Variants in STT3B observed in about 807,000 individuals in gnomAD.
STT3B encodes the protein STT3 oligosaccharyltransferase complex catalytic subunit B, also known as dolichyl-diphosphooligosaccharide--protein glycosyltransferase subunit STT3B.
In STT3B, 29 loss-of-function variants were observed where a neutral mutation model predicts 96.8. The observed-to-expected ratio is 0.30, with a 90% CI of 0.22 to 0.41. The LOEUF (loss-of-function observed/expected upper bound fraction) is 0.41. STT3B is among the 10% of genes least tolerant of loss of function. The pLI, the probability that STT3B is intolerant of heterozygous loss-of-function variation, is 1.00. For missense variants in STT3B, 640 were observed against 1,022.3 expected (o/e 0.63, Z 5.10); for synonymous variants, 367 against 360.0 (o/e 1.02, Z -0.22).
Position 31,633,066 on chromosome 3 carries a change from A to C in STT3B, c.2319A>C (p.Lys773Asn). 6.2e-7 allele frequency: 1 copy of C among 1,614,160 alleles called. No homozygotes were observed. The highest frequency in any genetic ancestry group is 2.2e-5 in the East Asian group (1 of 44,876). ...EHWLVRIYKV[K>N]APDNRETLDH... ...GGCTTGTTAGGATATATAAAGTAAA[A>C]GCACCTGATAACAGGGAGACATTAG... Residue 773 changes from lysine to asparagine, a missense_variant, in exon 15 of 16, where the codon AAA becomes AAC. This residue lies in a region of STT3B where 51 missense variants were observed against 64.2 expected (regional missense o/e 0.79). Coordinates refer to ENST00000295770, the MANE Select transcript of STT3B (RefSeq NM_178862.3).
At chr3:31,559,190 T>C (rs1166696089) in intron 1 of STT3B, among the ~76,000 whole-genome samples, 1 of 124,544 alleles carries the variant, frequency 8.0e-6, no homozygotes, top group Non-Finnish European at 1.8e-5. Context: ...TGTGTGTGTG[T>C]TGTCTCTTTC....
intron 1 of STT3B, among the ~76,000 whole-genome samples, chr3:31,556,291 T>G (rs1265434116): frequency 6.6e-6 from 1 of 152,178 alleles, no homozygotes; most frequent in Non-Finnish European, 1.5e-5. Context: ...CTTCCTTTAT[T>G]CATTTGTCTG....
intron 3 of STT3B, among the ~76,000 whole-genome samples, chr3:31,590,476 T>A (rs1698641840): frequency 6.6e-6 from 1 of 152,054 alleles, no homozygotes; most frequent in Admixed American, 6.6e-5. Context: ...TGTTTTAATA[T>A]GTGGTGTTTT....
rs114404644 is a variant in STT3B, at chr3:31,599,437, T to C, written c.778-923T>C. On this transcript the variant is annotated intron_variant, in intron 4 of 15. Transcript: ENST00000295770. ...GGACTGGCGCTCCATTAGAATAACA[T>C]TGTTTTTTGTGAAAAATAGCATGTG... 9.6e-3 allele frequency among the ~76,000 whole-genome samples: 1,468 copies of C among 152,316 alleles called. 26 individuals carry two copies. Among genetic ancestry groups the C allele is most frequent in the African/African-American group, 0.033 (1,372 of 41,562 alleles).
Position 31,533,134 on chromosome 3 carries a change from G to T in STT3B, c.136G>T (p.Gly46Cys), listed in dbSNP as rs527396203. The T allele has an allele frequency of 7.7e-7, 1 of 1,302,234 alleles. No individual in the cohort carries two copies. Among genetic ancestry groups the T allele is most frequent in the Non-Finnish European group, 9.7e-7 (1 of 1,026,070 alleles). 80.7% of individuals were successfully genotyped at this position (1,302,234 alleles called of 1,614,324 possible). The change falls in exon 1 of 16, where the codon GGC becomes TGC. Residue 46 changes from glycine to cysteine, a missense_variant. By Grantham distance (159) the Gly-to-Cys change is radical. Coordinates refer to ENST00000295770, the MANE Select transcript of STT3B (RefSeq NM_178862.3). ...GGCCCAGTGCGCGCACAAGGCGGCG[G>T]GCGGCGCGGCGCCGCCGAAGCCGGC... ...PGAQCAHKAAGGAAPPKPAPA... is the reference protein window; with the variant it reads ...PGAQCAHKAACGAAPPKPAPA...
At chr3:31,537,644 G>T (rs1697136055) in intron 1 of STT3B, among the ~76,000 whole-genome samples, 1 of 152,064 alleles carries the variant, frequency 6.6e-6, no homozygotes, top group Non-Finnish European at 1.5e-5. Flanking sequence ...TATCGTAAAG[G>T]TTAACTTGGG....
intron 5 of STT3B, among the ~76,000 whole-genome samples, chr3:31,611,156 GAAAACAC>G (rs1699171305): frequency 6.6e-6 from 1 of 152,108 alleles, no homozygotes; most frequent in African/African-American, 2.4e-5. Flanking sequence ...GAGGTCTTCT[GAAAACAC>G]TAGAGAACAG....
intron 3 of STT3B, among the ~76,000 whole-genome samples, chr3:31,580,322 A>G (rs1447128612): frequency 1.3e-5 from 2 of 152,178 alleles, no homozygotes; most frequent in African/African-American, 4.8e-5. Flanking sequence ...CCAAAAGAAG[A>G]GCTATCATAA....
intron 3 of STT3B, among the ~76,000 whole-genome samples, chr3:31,585,304 T>G (rs1698510823): frequency 6.6e-6 from 1 of 152,100 alleles, no homozygotes; most frequent in African/African-American, 2.4e-5. Flanking sequence ...GATTTCCAGC[T>G]CTGTCACTGG....
chr3:31,538,121 A>G lies in STT3B; in HGVS notation c.314+4809A>G, dbSNP rs187516332. Among the ~76,000 whole-genome samples the G allele has an allele frequency of 1.6e-3, 245 of 152,290 alleles. 1 individual carries two copies. Among genetic ancestry groups the G allele is most frequent in the African/African-American group, 5.7e-3 (239 of 41,574 alleles). On this transcript the variant is annotated intron_variant, in intron 1 of 15. Coordinates refer to ENST00000295770, the MANE Select transcript of STT3B (RefSeq NM_178862.3). ...GTTGAATTTTATAGTGAACACTCAT[A>G]TACTCTAACCACCTAGATTCTACAA... is the stretch of plus-strand genomic sequence containing the variant.
chr3:31,559,684 G>A (rs1697822279), intron 1 of STT3B, among the ~76,000 whole-genome samples: 1 of 152,050 alleles, frequency 6.6e-6, no homozygotes, highest in African/African-American at 2.4e-5. Context: ...GCTGTTGAAT[G>A]AAATGTTCAT....
At chr3:31,564,962 A>G (rs1395146394) in intron 1 of STT3B, among the ~76,000 whole-genome samples, 2 of 152,226 alleles carry the variant, frequency 1.3e-5, no homozygotes, top group East Asian at 1.9e-4. Context: ...TTATGGTGAT[A>G]ATAATGGAAG....
At chr3:31,592,578 C>T (rs1342964073) in intron 3 of STT3B, among the ~76,000 whole-genome samples, 1 of 151,978 alleles carries the variant, frequency 6.6e-6, no homozygotes, top group African/African-American at 2.4e-5. Context: ...TAATTTTTCC[C>T]TGTCCTTGTC....
At chr3:31,595,295 C>G (rs1698761086) in intron 3 of STT3B, among the ~76,000 whole-genome samples, 1 of 152,206 alleles carries the variant, frequency 6.6e-6, no homozygotes, top group Non-Finnish European at 1.5e-5. Context: ...GAGCCACGAA[C>G]TGTGGATGAA....
intron 3 of STT3B, among the ~76,000 whole-genome samples, chr3:31,582,419 C>T (rs1393070406): frequency 3.3e-5 from 5 of 151,472 alleles, no homozygotes; most frequent in Non-Finnish European, 5.9e-5. Flanking sequence ...CTCAGCCTCC[C>T]GAGTAGCTGG....
At position 31,533,208 on chromosome 3, in the gene STT3B, G is replaced by A; in HGVS notation, c.210G>A (p.Ser70=). The change falls in exon 1 of 16, where the codon TCG becomes TCA. Residue 70 remains serine (S), a synonymous_variant. Transcript: ENST00000295770. The stretch of plus-strand genomic sequence containing the variant: ...TGTCGCAGCCGGCTGGGTGGCAGTC[G>A]CTTCTCTCCTTCACCATCCTCTTCC... ...GGLSQPAGWQ[S]LLSFTILFLA... The A allele has an allele frequency of 6.9e-7, 1 of 1,446,620 alleles. No homozygotes were observed. Among genetic ancestry groups the A allele is most frequent in the South Asian group, 1.4e-5 (1 of 73,200 alleles). 89.6% of individuals were successfully genotyped at this position (1,446,620 alleles called of 1,614,324 possible).
Position 31,628,997 on chromosome 3 carries a change from T to C in STT3B, c.2074-301T>C, listed in dbSNP as rs115538716. Among the ~76,000 whole-genome samples, 665 of 152,248 alleles carry C rather than the reference T, an allele frequency of 4.4e-3. 3 individuals carry two copies. The highest frequency in any genetic ancestry group is 0.014 in the African/African-American group (580 of 41,542). On this transcript the variant is annotated intron_variant, in intron 13 of 15. Coordinates refer to ENST00000295770, the MANE Select transcript of STT3B (RefSeq NM_178862.3). ...GCCGTGGGCCTGTAGTCCCAGCTAC[T>C]TGAGAGGCTGAAATGGGAGGATTGC... is the stretch of plus-strand genomic sequence containing the variant.
intron 6 of STT3B, among the ~76,000 whole-genome samples, chr3:31,616,678 A>G (rs1014307845): frequency 1.3e-5 from 2 of 150,776 alleles, no homozygotes; most frequent in Non-Finnish European, 3.0e-5. Context: ...TTCAAATGGG[A>G]TTTTTTTTCC....
At chr3:31,555,895 G>A (rs183630162) in intron 1 of STT3B, among the ~76,000 whole-genome samples, 169 of 152,076 alleles carry the variant, frequency 1.1e-3, no homozygotes, top group African/African-American at 3.9e-3. Flanking sequence ...TCTACGTGTT[G>A]GGAACATTTC....
Sources: gnomAD v4.1 joint callset for allele counts (sites outside exome capture counted in the v4.1 genomes callset) on GRCh38, gnomAD v4.1.1 for gene constraint, gnomAD v4.1.1 regional missense constraint, MANE v1.5 for transcripts, NCBI Gene and HGNC (gene_info 2026-07-23, HGNC 2026-07-21) for gene names.